RPGR: variants seen among roughly 807,000 people sequenced by gnomAD.
The protein encoded by RPGR is retinitis pigmentosa GTPase regulator, also known as X-linked retinitis pigmentosa GTPase regulator.
RPGR carries 10 observed loss-of-function variants against 56.3 expected under a neutral mutation model. The observed-to-expected ratio is 0.18, with a 90% CI of 0.11 to 0.30. The LOEUF is 0.30. RPGR is among the 10% of genes least tolerant of loss of function. The probability of loss-of-function intolerance (pLI) is 1.00; values close to 1 mark genes in which losing one functional copy is unlikely to be tolerated. For synonymous variants in RPGR, 197 were observed against 212.9 expected, an observed-to-expected ratio of 0.93 and a Z score of 0.65; for missense variants, 538 against 590.9, an observed-to-expected ratio of 0.91 and a Z score of 0.93.
rs937744672 is a variant in RPGR at position 38,301,284 on chromosome X, G to C, written c.1022C>G (p.Thr341Ser). 1 of 1,202,866 alleles carries C rather than the reference G, an allele frequency of 8.3e-7. No individual in the cohort carries two copies. The highest frequency in any genetic ancestry group is 1.1e-6 in the Non-Finnish European group (1 of 889,116). ...AAACCTCAAAAAATTAGAGCACAAA[G>C]TAGGAATGAAGTGATTGGTAAAATT... is the stretch of plus-strand genomic sequence containing the variant. Residue 341 changes from threonine (T) to serine (S), a missense_variant, in exon 9 of 19, where the codon ACT becomes AGT. Coordinates refer to ENST00000642395, the MANE Select transcript of RPGR (RefSeq NM_000328.3).
chrX:38,274,662 A>C (rs2066899361), intron 17 of RPGR, among the ~76,000 whole-genome samples: 1 of 111,222 alleles, frequency 9.0e-6, no homozygotes, highest in Non-Finnish European at 1.9e-5. Flanking sequence ...TAAAAATATA[A>C]AAATTAGCCA....
chrX:38,318,129 T>C lies in RPGR; in HGVS notation c.470-664A>G, dbSNP rs751980535. 1.3e-4 allele frequency among the ~76,000 whole-genome samples: 15 copies of C among 111,559 alleles called. No individual in the cohort carries two copies. The East Asian group carries it at 4.2e-3, about 31-fold the overall frequency. On this transcript the variant is annotated intron_variant, in intron 5 of 18. Coordinates refer to ENST00000642395, the MANE Select transcript of RPGR (RefSeq NM_000328.3). The stretch of plus-strand genomic sequence containing the variant: ...AATTATTAAGACTTATTTATTTATA[T>C]ATTTTAAATAATTTACATTTTTGAA...
At chrX:38,288,380 G>A (rs759583489) in intron 13 of RPGR, among the ~76,000 whole-genome samples, 2 of 111,706 alleles carry the variant, frequency 1.8e-5, no homozygotes, top group Admixed American at 9.5e-5. Context: ...ATAAAACTTC[G>A]AGATTAATTT....
At chrX:38,322,401 C>T (rs773832069) in intron 3 of RPGR, among the ~76,000 whole-genome samples, 1 of 112,051 alleles carries the variant, frequency 8.9e-6, no homozygotes, top group African/African-American at 3.2e-5. Context: ...CTCGATGTTT[C>T]GTTTACTTCA....
At chrX:38,324,699 C>G (rs1307542500) in intron 1 of RPGR, among the ~76,000 whole-genome samples, 1 of 106,577 alleles carries the variant, frequency 9.4e-6, no homozygotes, top group Non-Finnish European at 1.9e-5. Context: ...TGATCACTGG[C>G]TTCTCTGAAC....
intron 13 of RPGR, among the ~76,000 whole-genome samples, chrX:38,288,255 A>G (rs1402160512): frequency 8.9e-6 from 1 of 112,125 alleles, no homozygotes; most frequent in Non-Finnish European, 1.9e-5. Flanking sequence ...TTGATTTAGT[A>G]ACATGTATCT....
At chrX:38,310,475 C>G in intron 7 of RPGR, 140 bp downstream of exon 7, 1 of 593,535 alleles carries the variant, frequency 1.7e-6, no homozygotes, top group Non-Finnish European at 2.7e-6. Context: ...CTTTATTATA[C>G]TCTTAAAAAT....
chrX:38,272,005 C>G (rs1440011619), intron 18 of RPGR, among the ~76,000 whole-genome samples: 2 of 112,093 alleles, frequency 1.8e-5, no homozygotes, highest in African/African-American at 6.5e-5. Context: ...AAGATGTTAT[C>G]ACTGAAATTA....
At chrX:38,319,645 A>G (rs959046477) in intron 4 of RPGR, among the ~76,000 whole-genome samples, 8 of 112,127 alleles carry the variant, frequency 7.1e-5, no homozygotes, top group African/African-American at 2.3e-4. Flanking sequence ...TACCTACTTC[A>G]TAGAGTTGTT....
intron 18 of RPGR, chrX:38,272,228 T>C (rs3888228): frequency 9.1e-6 from 1 of 109,436 alleles, no homozygotes; most frequent in African/African-American, 3.3e-5. Context: ...ATGAGAATTT[T>C]AAAAAAATTG....
chrX:38,281,700 G>A (rs1386578650), intron 15 of RPGR, among the ~76,000 whole-genome samples: 2 of 111,286 alleles, frequency 1.8e-5, no homozygotes, highest in Non-Finnish European at 3.8e-5. Context: ...ATCGTCAAAA[G>A]TCCCTTCCTT....
chrX:38,290,441 T>C (rs759367673), intron 13 of RPGR, among the ~76,000 whole-genome samples: 21 of 112,305 alleles, frequency 1.9e-4, no homozygotes, highest in Non-Finnish European at 3.6e-4. Context: ...AATTTCCAAA[T>C]GTTTAATTTT....
intron 15 of RPGR, among the ~76,000 whole-genome samples, chrX:38,280,795 A>T (rs2067015705): frequency 9.0e-6 from 1 of 111,139 alleles, no homozygotes; most frequent in South Asian, 3.9e-4. Context: ...TCAGCCTCCC[A>T]AAGTTCTGCG....
chrX:38,281,295 G>A (rs1356382086), intron 15 of RPGR, among the ~76,000 whole-genome samples: 1 of 112,236 alleles, frequency 8.9e-6, no homozygotes, highest in South Asian at 3.7e-4. Flanking sequence ...AGGACACAGA[G>A]GGAAATGTTC....
At chrX:38,282,470 T>G (rs750199021) in intron 15 of RPGR, among the ~76,000 whole-genome samples, 7 of 111,758 alleles carry the variant, frequency 6.3e-5, no homozygotes, top group Non-Finnish European at 1.3e-4. Context: ...TAACTACATC[T>G]ATGAGCTGGC....
chrX:38,286,776 C>T lies in RPGR; in HGVS notation c.1905+318G>A, dbSNP rs147619484. 73,658 of 1,151,088 alleles carry T rather than the reference C, an allele frequency of 0.064. 2,387 individuals carry two copies. Among genetic ancestry groups the T allele is most frequent in the Admixed American group, 0.19 (6,906 of 36,676 alleles). 94.9% of individuals were successfully genotyped at this position (1,151,088 alleles called of 1,213,427 possible). ...CTTCTTCCTCTTCTCTGTCTCCCTC[C>T]TCTTCTTCTCCTTCTCCATGCTCCT... On this transcript the variant is annotated intron_variant, in intron 15 of 18. Transcript: ENST00000642395.
intron 1 of RPGR, 28 bp downstream of exon 1, chrX:38,327,312 T>A: frequency 8.5e-7 from 1 of 1,175,592 alleles, no homozygotes. Context: ...CCTCCCGGCC[T>A]TCCGCCACCG....
At chrX:38,313,049 A>G (rs1002688617) in intron 6 of RPGR, among the ~76,000 whole-genome samples, 34 of 111,157 alleles carry the variant, frequency 3.1e-4, no homozygotes, top group African/African-American at 1.0e-3. Context: ...AACAAACTCA[A>G]CTATGCAATA....
intron 3 of RPGR, 138 bp downstream of exon 3, chrX:38,322,715 A>G (rs942924324): frequency 1.0e-5 from 5 of 493,899 alleles, no homozygotes; most frequent in Non-Finnish European, 1.4e-5. Flanking sequence ...TATAAAAGAT[A>G]AGTTAAATGC....
Sources: gnomAD v4.1 joint callset for allele counts (sites outside exome capture counted in the v4.1 genomes callset) on GRCh38, gnomAD v4.1.1 for gene constraint, MANE v1.5 for transcripts, NCBI Gene and HGNC (gene_info 2026-07-23, HGNC 2026-07-21) for gene names.